Variants in CADM2 observed in about 807,000 individuals in gnomAD.
The protein encoded by CADM2 is cell adhesion molecule 2, also known as immunoglobulin superfamily member 4D.
Under a neutral mutation model 49.8 loss-of-function variants are expected in CADM2, and 12 were observed. That is an observed-to-expected ratio of 0.24 (90% CI 0.15 to 0.39). CADM2 has a LOEUF of 0.39. CADM2 is among the 10% of genes least tolerant of loss of function. CADM2 has a pLI of 1.00. For missense variants in CADM2, 378 were observed against 492.3 expected (o/e 0.77, Z 2.20); for synonymous variants, 214 against 175.4 (o/e 1.22, Z -1.74).
At chr3:85,824,464 A>G (rs2108201587) in intron 3 of CADM2, among the ~76,000 whole-genome samples, 1 of 152,040 alleles carries the variant, frequency 6.6e-6, no homozygotes, top group East Asian at 1.9e-4. Flanking sequence ...AGTGCTGTGA[A>G]AGGTGATGGA....
intron 3 of CADM2, among the ~76,000 whole-genome samples, chr3:85,882,736 A>G (rs1329586588): frequency 2.0e-5 from 3 of 152,224 alleles, no homozygotes; most frequent in Non-Finnish European, 4.4e-5. Context: ...TTAACATACA[A>G]TACAGCAGTG....
chr3:84,991,098 A>G (rs9833081), intron 1 of CADM2, among the ~76,000 whole-genome samples: 64,274 of 151,842 alleles, frequency 0.42, 13,901 homozygotes, highest in African/African-American at 0.48. Flanking sequence ...AGGTTTGTGT[A>G]CTTTATTTCT....
intron 1 of CADM2, among the ~76,000 whole-genome samples, chr3:85,266,597 C>G (rs886877339): frequency 4.4e-5 from 4 of 91,620 alleles, no homozygotes; most frequent in Non-Finnish European, 1.0e-4. Flanking sequence ...TTTTATGAAA[C>G]TAGAGTCAAG....
At chr3:86,058,169 G>T (rs1380941217) in intron 8 of CADM2, among the ~76,000 whole-genome samples, 3 of 152,052 alleles carry the variant, frequency 2.0e-5, no homozygotes, top group Admixed American at 2.0e-4. Flanking sequence ...CTCATGTTAT[G>T]CAAATCTTTC....
intron 8 of CADM2, among the ~76,000 whole-genome samples, chr3:85,970,098 A>G (rs1004686751): frequency 2.7e-5 from 4 of 148,866 alleles, no homozygotes; most frequent in Non-Finnish European, 5.9e-5. Flanking sequence ...TTTATCCCAT[A>G]TTGAAAAAAA....
At chr3:85,444,250 G>T (rs1159808925) in intron 1 of CADM2, among the ~76,000 whole-genome samples, 2 of 152,124 alleles carry the variant, frequency 1.3e-5, no homozygotes, top group African/African-American at 2.4e-5. Flanking sequence ...TATGCTCAAT[G>T]CAGCAACCAG....
At chr3:85,505,674 A>G (rs2040319479) in intron 1 of CADM2, among the ~76,000 whole-genome samples, 1 of 152,186 alleles carries the variant, frequency 6.6e-6, no homozygotes, top group South Asian at 2.1e-4. Context: ...GATATATTAC[A>G]TTCTATGATT....
chr3:85,942,390 T>C (rs1342899178), intron 7 of CADM2, among the ~76,000 whole-genome samples: 1 of 151,940 alleles, frequency 6.6e-6, no homozygotes, highest in Non-Finnish European at 1.5e-5. Context: ...TTGTGCAGGT[T>C]AGTTACATAT....
At position 85,301,118 on chromosome 3, in the gene CADM2, A is replaced by T. The variant is rs552422777; in HGVS notation, c.61+341450A>T. ...AAACGACATTATATGCAAAGTGGAT[A>T]TGGAAAATACAACGTAGCCTAGATT... On this transcript the variant is annotated intron_variant, in intron 1 of 9. Coordinates refer to ENST00000383699, the MANE Select transcript of CADM2 (RefSeq NM_001167675.2). Among the ~76,000 whole-genome samples the T allele has an allele frequency of 2.6e-5, 4 of 152,184 alleles. No homozygotes were observed. The East Asian group carries it at 7.8e-4, about 30-fold the overall frequency.
chr3:85,551,414 G>C (rs1471016628), intron 1 of CADM2, among the ~76,000 whole-genome samples: 1 of 152,012 alleles, frequency 6.6e-6, no homozygotes, highest in Non-Finnish European at 1.5e-5. Flanking sequence ...GATTAATACT[G>C]CCCATCTATC....
chr3:85,452,050 T>C (rs1576581306), intron 1 of CADM2, among the ~76,000 whole-genome samples: 1 of 152,128 alleles, frequency 6.6e-6, no homozygotes, highest in African/African-American at 2.4e-5. Flanking sequence ...ATCATTTACA[T>C]TCTGTAAGGC....
intron 1 of CADM2, among the ~76,000 whole-genome samples, chr3:85,245,688 T>G (rs137972294): frequency 6.6e-6 from 1 of 152,140 alleles, no homozygotes; most frequent in Non-Finnish European, 1.5e-5. Flanking sequence ...ACTTCTTACT[T>G]ACTCTTTCTT....
At chr3:85,908,675 C>A (rs747186345) in intron 5 of CADM2, among the ~76,000 whole-genome samples, 1 of 151,924 alleles carries the variant, frequency 6.6e-6, no homozygotes, top group Non-Finnish European at 1.5e-5. Flanking sequence ...TTTCATCTAT[C>A]CCTCTAATTA....
chr3:85,788,033 C>T (rs972956926), intron 2 of CADM2, among the ~76,000 whole-genome samples: 21 of 152,076 alleles, frequency 1.4e-4, no homozygotes, highest in African/African-American at 4.6e-4. Flanking sequence ...GACTGTTTCT[C>T]GCCATTTAAC....
intron 1 of CADM2, among the ~76,000 whole-genome samples, chr3:85,397,296 G>A (rs371515225): frequency 1.3e-4 from 20 of 152,264 alleles, no homozygotes; most frequent in African/African-American, 4.6e-4. Context: ...TGAAATCTGT[G>A]CATCACTGTG....
intron 1 of CADM2, among the ~76,000 whole-genome samples, chr3:85,207,155 T>G (rs2041664410): frequency 6.6e-6 from 1 of 151,914 alleles, no homozygotes; most frequent in African/African-American, 2.4e-5. Flanking sequence ...TTTAAAATAC[T>G]TGCGTGAAAC....
chr3:85,421,476 G>T (rs1352098795), intron 1 of CADM2, among the ~76,000 whole-genome samples: 1 of 152,114 alleles, frequency 6.6e-6, no homozygotes, highest in Non-Finnish European at 1.5e-5. Context: ...GCCAAAGAAG[G>T]ATGGGAAACA....
intron 3 of CADM2, among the ~76,000 whole-genome samples, chr3:85,817,012 G>A (rs1313574463): frequency 4.6e-5 from 7 of 152,106 alleles, no homozygotes; most frequent in African/African-American, 1.4e-4. Context: ...AATTGTGTGA[G>A]CATGAAAATT....
At chr3:85,514,465 G>C (rs1185146237) in intron 1 of CADM2, among the ~76,000 whole-genome samples, 1 of 152,000 alleles carries the variant, frequency 6.6e-6, no homozygotes, top group East Asian at 1.9e-4. Context: ...GAATATCTTT[G>C]AAATGTAAGC....
Sources: allele counts gnomAD v4.1 joint callset (sites outside exome capture counted in the v4.1 genomes callset), GRCh38; gene constraint gnomAD v4.1.1; transcripts MANE v1.5; gene names NCBI Gene and HGNC (gene_info 2026-07-23, HGNC 2026-07-21).